TMEM190: variants seen among roughly 807,000 people sequenced by gnomAD.
TMEM190 encodes transmembrane protein 190.
In TMEM190, 17 loss-of-function variants were observed where a neutral mutation model predicts 17.1. The ratio of observed to expected loss-of-function variants is 0.99; its 90% CI spans 0.68 to 1.49. The LOEUF (loss-of-function observed/expected upper bound fraction) is 1.49, where lower values mean the gene tolerates loss of function less well. Ranked by LOEUF, TMEM190 falls within the 40% of genes most tolerant of loss-of-function variation. TMEM190 has a pLI of 0.00. For missense variants in TMEM190, 246 were observed against 245.0 expected (o/e 1.00, Z -0.03); for synonymous variants, 101 against 103.8 (o/e 0.97, Z 0.16).
chr19:55,377,312 AG>A (rs200615292), intron 2 of TMEM190, among the ~76,000 whole-genome samples: 1 of 75,138 alleles, frequency 1.3e-5, no homozygotes, highest in Non-Finnish European at 2.6e-5. Flanking sequence ...CTGAGGGAGG[AG>A]GGGCTGGGCC....
intron 2 of TMEM190, 126 bp from the exon 3 acceptor site, chr19:55,377,467 C>A: frequency 4.1e-6 from 6 of 1,464,124 alleles, no homozygotes; most frequent in Non-Finnish European, 5.5e-6. Flanking sequence ...GGAGTCTGGA[C>A]CCCTGGGGCC....
intron 4 of TMEM190, 25 bp downstream of exon 4, chr19:55,377,911 G>T: frequency 6.2e-7 from 1 of 1,606,764 alleles, no homozygotes. Flanking sequence ...GATAGGGCGG[G>T]CGCCTGCACC....
At position 55,377,452 on chromosome 19, in the gene TMEM190, G is replaced by C. The variant is rs1332881734; in HGVS notation, c.95-141G>C. 13 of 1,348,302 alleles carry C rather than the reference G, an allele frequency of 9.6e-6. 1 individual carries two copies. In the East Asian group the frequency reaches 2.8e-4, roughly 29 times the overall value. 83.5% of individuals were successfully genotyped at this position (1,348,302 alleles called of 1,614,324 possible). On this transcript the variant is annotated intron_variant, in intron 2 of 4. Coordinates refer to ENST00000291934, the MANE Select transcript of TMEM190 (RefSeq NM_139172.3). ...TGGACTCCTGGGTCTGAGGGAGGAG[G>C]GGGTGGAGTCTGGACCCCTGGGGCC...
At chr19:55,377,117 C>A (rs1042401643) in intron 2 of TMEM190, 91 bp downstream of exon 2, 16 of 1,452,062 alleles carry the variant, frequency 1.1e-5, no homozygotes, top group Non-Finnish European at 1.5e-5. Flanking sequence ...GGCCTGGACT[C>A]CTGGATCTGA....
At chr19:55,377,270 G>C (rs1442620993) in intron 2 of TMEM190, among the ~76,000 whole-genome samples, 1 of 149,724 alleles carries the variant, frequency 6.7e-6, no homozygotes, top group Non-Finnish European at 1.5e-5. Context: ...CTGGGTGTGA[G>C]GGAGGAGGGG....
intron 2 of TMEM190, 80 bp from the exon 3 acceptor site, chr19:55,377,513 G>A (rs1271572358): frequency 1.3e-6 from 2 of 1,543,038 alleles, no homozygotes; most frequent in East Asian, 2.3e-5. Context: ...CAGCCTGGGA[G>A]CATGGCCTTG....
Position 55,378,018 on chromosome 19 carries a change from G to A in TMEM190, c.349G>A (p.Ala117Thr). ...RDVLHMPGFL[A>T]GPCDMSKSVS... is the part of the protein sequence containing the mutation. The stretch of plus-strand genomic sequence containing the variant: ...CGTGCTGCATATGCCCGGTTTCCTG[G>A]CGGGTCCGTGTGACATGTCCAAGTC... The change falls in exon 5 of 5, where the codon GCG becomes ACG. Residue 117 changes from alanine (A) to threonine (T), a missense_variant. Transcript: ENST00000291934. The A allele has an allele frequency of 1.9e-6, 3 of 1,612,816 alleles. No individual in the cohort carries two copies. The highest frequency in any genetic ancestry group is 2.5e-6 in the Non-Finnish European group (3 of 1,179,904).
chr19:55,377,894 G>C lies in TMEM190; in HGVS notation c.305+8G>C. ...CAGCATCTGCTTGTTCTGGCGAGTG[G>C]GCCTGGGATAGGGCGGGCGCCTGCA... On this transcript the variant is annotated splice_region_variant and intron_variant, in intron 4 of 4. Transcript: ENST00000291934. The C allele has an allele frequency of 1.2e-6, 2 of 1,608,436 alleles. No individual in the cohort carries two copies. The highest frequency in any genetic ancestry group is 1.7e-6 in the Non-Finnish European group (2 of 1,179,768).
chr19:55,377,941 G>A (rs749244122), intron 4 of TMEM190, 34 bp from the exon 5 acceptor site: 10 of 1,606,520 alleles, frequency 6.2e-6, no homozygotes, highest in Admixed American at 5.0e-5. Flanking sequence ...AGGGTCCGGC[G>A]GAGGGCGGGG....
rs1364596572 is a variant in TMEM190 at position 55,376,968 on chromosome 19, T to C, written c.59-23T>C. On this transcript the variant is annotated intron_variant, in intron 1 of 4. Transcript: ENST00000291934. ...AGGGACGCCCGGCTCCACACAGCCC[T>C]AACACTGCCCTTTCTCTCGCAGACG... 5.2e-6 allele frequency: 8 copies of C among 1,552,268 alleles called. No homozygotes were observed. The African/African-American group carries it at 5.5e-5, about 11-fold the overall frequency.
intron 2 of TMEM190, 90 bp from the exon 3 acceptor site, chr19:55,377,503 C>T: frequency 6.5e-7 from 1 of 1,533,308 alleles, no homozygotes. Context: ...ACCAGGAAGG[C>T]AGCCTGGGAG....
In TMEM190 at chr19:55,378,151, G is replaced by T. The variant is rs1398023559; in HGVS notation, c.482G>T (p.Gly161Val). 11 of 1,580,388 alleles carry T rather than the reference G, an allele frequency of 7.0e-6. No individual in the cohort carries two copies. Among genetic ancestry groups the T allele is most frequent in the South Asian group, 1.2e-5 (1 of 86,908 alleles). Residue 161 changes from glycine to valine, a missense_variant, in exon 5 of 5, where the codon GGG becomes GTG. Gly to Val is a moderately radical substitution (Grantham distance 109, BLOSUM62 -3). Coordinates refer to ENST00000291934, the MANE Select transcript of TMEM190 (RefSeq NM_139172.3). Reference protein sequence around the residue: ...ESRDVEGGTEGEGTEEGEETE... With the variant: ...ESRDVEGGTEVEGTEEGEETE... The stretch of plus-strand genomic sequence containing the variant: ...AGGGATGTGGAGGGAGGCACCGAGG[G>T]GGAAGGGACGGAGGAGGGTGAGGAG...
Position 55,377,043 on chromosome 19 carries a change from A to C in TMEM190, c.94+17A>C. Reference sequence around the variant, plus strand: ...ACCCATGGAGTGAGCAGCCGCTGAAATACTGGGTCACCCAGGGAGGGGAGC... The same window carrying C: ...ACCCATGGAGTGAGCAGCCGCTGAACTACTGGGTCACCCAGGGAGGGGAGC... On this transcript the variant is annotated intron_variant, in intron 2 of 4. Coordinates refer to ENST00000291934, the MANE Select transcript of TMEM190 (RefSeq NM_139172.3). 6.4e-7 allele frequency: 1 copy of C among 1,551,246 alleles called. No individual in the cohort carries two copies. Among genetic ancestry groups the C allele is most frequent in the Non-Finnish European group, 8.7e-7 (1 of 1,146,916 alleles).
Position 55,377,692 on chromosome 19 carries a change from G to A in TMEM190, c.194G>A (p.Gly65Glu), listed in dbSNP as rs900913702. 1 of 1,613,026 alleles carries A rather than the reference G, an allele frequency of 6.2e-7. No homozygotes were observed. The highest frequency in any genetic ancestry group is 8.5e-7 in the Non-Finnish European group (1 of 1,179,394). The part of the protein sequence containing the change: ...CLRLRCCYRN[G>E]VCYHQRPDEN... ...CGTCTCCGGTGCTGCTACCGCAATGGGGTCTGCTACCACCAGCGTCCAGAC... is the reference window on the plus strand; with the variant it reads ...CGTCTCCGGTGCTGCTACCGCAATGAGGTCTGCTACCACCAGCGTCCAGAC... The change falls in exon 3 of 5, where the codon GGG (glycine) becomes GAG (glutamate). Residue 65 changes from glycine to glutamate, a missense_variant. By Grantham distance (98) the Gly-to-Glu change is moderately conservative. Transcript: ENST00000291934.
chr19:55,377,099 G>A, intron 2 of TMEM190, 73 bp downstream of exon 2: 1 of 1,510,174 alleles, frequency 6.6e-7, no homozygotes, highest in Non-Finnish European at 9.0e-7. Context: ...TGAGGGAGGA[G>A]GAGCTGGGGC....
Position 55,378,106 on chromosome 19 carries a change from T to C in TMEM190, c.437T>C (p.Val146Ala), listed in dbSNP as rs2089867203. ...KKTPSTGSVPVALSKESRDVE... is the reference protein window; with the variant it reads ...KKTPSTGSVPAALSKESRDVE... ...ACGCCGTCCACGGGCAGCGTGCCAG[T>C]CGCCCTGTCCAAAGAGTCCAGGGAT... is the stretch of plus-strand genomic sequence containing the variant. The change falls in exon 5 of 5, where the codon GTC becomes GCC. Residue 146 changes from valine to alanine, a missense_variant. Val to Ala is a moderately conservative substitution (Grantham distance 64). Transcript: ENST00000291934. 1.2e-6 allele frequency: 2 copies of C among 1,606,522 alleles called. No homozygotes were observed. The highest frequency in any genetic ancestry group is 2.7e-5 in the African/African-American group (2 of 74,534).
At chr19:55,377,520 C>A in intron 2 of TMEM190, 73 bp from the exon 3 acceptor site, 1 of 1,548,812 alleles carries the variant, frequency 6.5e-7, no homozygotes, top group East Asian at 2.3e-5. Flanking sequence ...GGAGCATGGC[C>A]TTGGAATCTC....
rs534578907 is a variant in TMEM190, at chr19:55,377,455, G to C, written c.95-138G>C. Reference sequence around the variant, plus strand: ...ACTCCTGGGTCTGAGGGAGGAGGGGGTGGAGTCTGGACCCCTGGGGCCCTG... The same window carrying C: ...ACTCCTGGGTCTGAGGGAGGAGGGGCTGGAGTCTGGACCCCTGGGGCCCTG... On this transcript the variant is annotated intron_variant, in intron 2 of 4. Transcript: ENST00000291934. 3.8e-5 allele frequency: 52 copies of C among 1,373,170 alleles called. No homozygotes were observed. The East Asian group carries it at 1.0e-3, about 26-fold the overall frequency. 85.1% of individuals were successfully genotyped at this position (1,373,170 alleles called of 1,614,324 possible). A position where few individuals can be genotyped will look rare whatever the true frequency, so the allele number is the denominator to read the frequency against.
chr19:55,377,247 T>TGG (rs1408632460), intron 2 of TMEM190, among the ~76,000 whole-genome samples: 1 of 108,310 alleles, frequency 9.2e-6, no homozygotes, highest in African/African-American at 3.9e-5. Context: ...GGAGGAGGGC[T>TGG]GGACCTGGAC....
Sources: gnomAD v4.1 joint callset for allele counts (sites outside exome capture counted in the v4.1 genomes callset) on GRCh38, gnomAD v4.1.1 for gene constraint, MANE v1.5 for transcripts, NCBI Gene and HGNC (gene_info 2026-07-23, HGNC 2026-07-21) for gene names.